The following C8orf48 variants were observed in gnomAD, a reference collection of about 807,000 sequenced individuals.
C8orf48 encodes the protein uncharacterized protein C8orf48.
For missense variants in C8orf48, 580 were observed against 363.3 expected, an observed-to-expected ratio of 1.60 and a Z score of -4.85; for synonymous variants, 188 against 138.2, an observed-to-expected ratio of 1.36 and a Z score of -2.53.
At position 13,566,920 on chromosome 8, in the gene C8orf48, A is replaced by G; in HGVS notation, c.-72A>G. On this transcript the variant is annotated 5_prime_UTR_variant, in exon 1 of 1. Coordinates refer to ENST00000297324, the MANE Select transcript of C8orf48 (RefSeq NM_001007090.3). ...ATTGAGATCCATTCCCGGAGGGGTC[A>G]GCTCCTGACGGGTTCCTGAGCCAGT... 6.9e-7 allele frequency: 1 copy of G among 1,456,018 alleles called. No individual in the cohort carries two copies. Among genetic ancestry groups the G allele is most frequent in the Non-Finnish European group, 9.1e-7 (1 of 1,102,046 alleles). The allele number at this position is 1,456,018 out of a possible 1,614,324, so 90.2% of individuals were successfully genotyped here. A position where few individuals can be genotyped will look rare whatever the true frequency, so the allele number is the denominator to read the frequency against.
At chr8:13,567,607 AG>A in the C8orf48 span, 1 of 1,551,780 alleles carries the variant, frequency 6.4e-7, no homozygotes, top group Admixed American at 2.0e-5. Flanking sequence ...TAACAGGAAA[AG>A]AGCGGAGCTG....
chr8:13,568,103 T>A lies in C8orf48; in HGVS notation c.*152T>A. On this transcript the variant is annotated 3_prime_UTR_variant, in exon 1 of 1. Coordinates refer to ENST00000297324, the MANE Select transcript of C8orf48 (RefSeq NM_001007090.3). ...TTTCCTATTATAGAAGGCACTGTTGTAGTTGGAATAGTTATAAAAACTTTT... is the reference window on the plus strand; with the variant it reads ...TTTCCTATTATAGAAGGCACTGTTGAAGTTGGAATAGTTATAAAAACTTTT... The A allele has an allele frequency of 2.5e-6, 2 of 802,214 alleles. No individual in the cohort carries two copies. The highest frequency in any genetic ancestry group is 3.8e-6 in the Non-Finnish European group (2 of 528,376). 49.7% of individuals were successfully genotyped at this position (802,214 alleles called of 1,614,324 possible). A position where few individuals can be genotyped will look rare whatever the true frequency, so the allele number is the denominator to read the frequency against.
At position 13,567,904 on chromosome 8, in the gene C8orf48, C is replaced by G. The variant is rs1343300562; in HGVS notation, c.913C>G (p.Leu305Val). ...ATTTTCTCTGCCATTTCTCAAGCGACTTACTCTAATCAAACCAGAGCTGGT... is the reference window on the plus strand; with the variant it reads ...ATTTTCTCTGCCATTTCTCAAGCGAGTTACTCTAATCAAACCAGAGCTGGT... ...LPFSLPFLKRLTLIKPELVIV... is the reference protein window; with the variant it reads ...LPFSLPFLKRVTLIKPELVIV... The change falls in exon 1 of 1, where the codon CTT becomes GTT. Residue 305 changes from leucine (L) to valine (V), a missense_variant. Transcript: ENST00000297324. The G allele has an allele frequency of 2.6e-6, 4 of 1,551,852 alleles. No individual in the cohort carries two copies. The highest frequency in any genetic ancestry group is 2.4e-5 in the East Asian group (1 of 40,926).
Position 13,567,527 on chromosome 8 carries a change from A to C in C8orf48, c.536A>C (p.Lys179Thr). 1.3e-6 allele frequency: 2 copies of C among 1,551,930 alleles called. No homozygotes were observed. The highest frequency in any genetic ancestry group is 1.7e-6 in the Non-Finnish European group (2 of 1,147,050). Reference sequence around the variant, plus strand: ...GAACTTTTGAACAGAATCTACTTTAAAAACATGAGGACAACGCCAAAACAG... The same window carrying C: ...GAACTTTTGAACAGAATCTACTTTACAAACATGAGGACAACGCCAAAACAG... ...PDELLNRIYFKNMRTTPKQEA... is the reference protein window; with the variant it reads ...PDELLNRIYFTNMRTTPKQEA... The change falls in exon 1 of 1, where the codon AAA becomes ACA. Residue 179 changes from lysine (K) to threonine (T), a missense_variant. By Grantham distance (78) the Lys-to-Thr change is moderately conservative. Transcript: ENST00000297324.
chr8:13,567,030 T>A lies in C8orf48; in HGVS notation c.39T>A (p.Ser13Arg). Residue 13 changes from serine (S) to arginine (R), a missense_variant, in exon 1 of 1, where the codon AGT becomes AGA. Ser to Arg is a moderately radical substitution (Grantham distance 110). Transcript: ENST00000297324. ...ICPELAQTDKSALANLSDETE... is the reference protein window; with the variant it reads ...ICPELAQTDKRALANLSDETE... ...CAGAATTGGCCCAAACGGACAAAAG[T>A]GCTCTTGCAAACCTTTCTGATGAGA... The A allele has an allele frequency of 1.3e-6, 2 of 1,551,268 alleles. No homozygotes were observed. Among genetic ancestry groups the A allele is most frequent in the East Asian group, 2.4e-5 (1 of 40,894 alleles).
chr8:13,567,719 G>T lies in C8orf48; in HGVS notation c.728G>T (p.Arg243Leu). The change falls in exon 1 of 1, where the codon CGT becomes CTT. Residue 243 changes from arginine (R) to leucine (L), a missense_variant. Physicochemically the swap from Arg to Leu is moderately radical, Grantham distance 102. Transcript: ENST00000297324. ...CTTCATACCAAAGACTTTCTCACCC[G>T]TATTGGAGAAGCACATCAAGACTTT... ...EHLHTKDFLT[R>L]IGEAHQDFPR... is the part of the protein sequence containing the mutation. The T allele has an allele frequency of 6.4e-7, 1 of 1,551,840 alleles. No homozygotes were observed.
At position 13,567,039 on chromosome 8, in the gene C8orf48, A is replaced by G. The variant is rs1804461824; in HGVS notation, c.48A>G (p.Ala16=). Residue 16 remains alanine (A), a synonymous_variant, in exon 1 of 1, where the codon GCA becomes GCG. Transcript: ENST00000297324. ...ELAQTDKSAL[A]NLSDETETLK... ...CCCAAACGGACAAAAGTGCTCTTGC[A>G]AACCTTTCTGATGAGACTGAGACTT... The G allele has an allele frequency of 6.4e-7, 1 of 1,551,472 alleles. No homozygotes were observed. The highest frequency in any genetic ancestry group is 8.7e-7 in the Non-Finnish European group (1 of 1,146,928).
rs1010019850 is a variant in C8orf48, at chr8:13,566,923, T to C, written c.-69T>C. The C allele has an allele frequency of 2.0e-6, 3 of 1,464,192 alleles. No individual in the cohort carries two copies. The highest frequency in any genetic ancestry group is 1.9e-4 in the Middle Eastern group (1 of 5,176). 90.7% of individuals were successfully genotyped at this position (1,464,192 alleles called of 1,614,324 possible). A position where few individuals can be genotyped will look rare whatever the true frequency, so the allele number is the denominator to read the frequency against. ...GAGATCCATTCCCGGAGGGGTCAGC[T>C]CCTGACGGGTTCCTGAGCCAGTCTT... On this transcript the variant is annotated 5_prime_UTR_variant, in exon 1 of 1. Transcript: ENST00000297324.
rs1270762226 is a variant in C8orf48 at position 13,567,266 on chromosome 8, A to G, written c.275A>G (p.Lys92Arg). 46 of 1,551,664 alleles carry G rather than the reference A, an allele frequency of 3.0e-5. No individual in the cohort carries two copies. Among genetic ancestry groups the G allele is most frequent in the Non-Finnish European group, 3.6e-5 (41 of 1,147,018 alleles). ...KLSKKWINYL[K>R]LKDSNFERHQ... ...AGTAAAAAATGGATCAACTACCTCA[A>G]GCTCAAAGACTCTAACTTTGAACGG... Residue 92 changes from lysine to arginine, a missense_variant, in exon 1 of 1, where the codon AAG (lysine) becomes AGG (arginine). Transcript: ENST00000297324.
At position 13,568,071 on chromosome 8, in the gene C8orf48, CTT is replaced by C; in HGVS notation, c.*128_*129del. On this transcript the variant is annotated 3_prime_UTR_variant, in exon 1 of 1. Coordinates refer to ENST00000297324, the MANE Select transcript of C8orf48 (RefSeq NM_001007090.3). Reference sequence around the variant, plus strand: ...CAGATTTGAGGACTAAGAACTTTCACTTTTTTTTTCCTATTATAGAAGGCACT... The same window carrying C: ...CAGATTTGAGGACTAAGAACTTTCACTTTTTTTCCTATTATAGAAGGCACT... 8.9e-7 allele frequency: 1 copy of C among 1,127,622 alleles called. No homozygotes were observed. The highest frequency in any genetic ancestry group is 1.2e-6 in the Non-Finnish European group (1 of 815,822). The allele number at this position is 1,127,622 out of a possible 1,614,324, so 69.9% of individuals were successfully genotyped here. A position where few individuals can be genotyped will look rare whatever the true frequency, so the allele number is the denominator to read the frequency against.
rs1804480413 is a variant in C8orf48 at position 13,567,333 on chromosome 8, A to G, written c.342A>G (p.Val114=). The G allele has an allele frequency of 3.9e-6, 6 of 1,551,768 alleles. No homozygotes were observed. The highest frequency in any genetic ancestry group is 3.6e-5 in the South Asian group (3 of 84,060). Reference sequence around the variant, plus strand: ...AACTTCCAACAGAAATCACTCGGGTATCAGATGAAGAATTGAATGCCCTGC... The same window carrying G: ...AACTTCCAACAGAAATCACTCGGGTGTCAGATGAAGAATTGAATGCCCTGC... ...DTKLPTEITR[V]SDEELNALQS... Residue 114 remains valine, a synonymous_variant, in exon 1 of 1, where the codon GTA becomes GTG. Coordinates refer to ENST00000297324, the MANE Select transcript of C8orf48 (RefSeq NM_001007090.3).
Position 13,568,064 on chromosome 8 carries a change from A to T in C8orf48, c.*113A>T, listed in dbSNP as rs1804518286. 8.3e-7 allele frequency: 1 copy of T among 1,204,112 alleles called. No individual in the cohort carries two copies. The highest frequency in any genetic ancestry group is 2.6e-5 in the East Asian group (1 of 38,496). 74.6% of individuals were successfully genotyped at this position (1,204,112 alleles called of 1,614,324 possible). A position where few individuals can be genotyped will look rare whatever the true frequency, so the allele number is the denominator to read the frequency against. On this transcript the variant is annotated 3_prime_UTR_variant, in exon 1 of 1. Transcript: ENST00000297324. ...TCCTTCACAGATTTGAGGACTAAGA[A>T]CTTTCACTTTTTTTTTCCTATTATA... is the stretch of plus-strand genomic sequence containing the variant.
At position 13,568,071 on chromosome 8, in the gene C8orf48, C is replaced by CA; in HGVS notation, c.*120_*121insA. 1 of 1,127,622 alleles carries CA rather than the reference C, an allele frequency of 8.9e-7. No homozygotes were observed. The allele number at this position is 1,127,622 out of a possible 1,614,324, so 69.9% of individuals were successfully genotyped here. On this transcript the variant is annotated 3_prime_UTR_variant, in exon 1 of 1. Coordinates refer to ENST00000297324, the MANE Select transcript of C8orf48 (RefSeq NM_001007090.3). ...CAGATTTGAGGACTAAGAACTTTCA[C>CA]TTTTTTTTTCCTATTATAGAAGGCA...
In C8orf48 at chr8:13,568,146, C is replaced by T. The variant is rs570614922; in HGVS notation, c.*195C>T. The T allele has an allele frequency of 1.1e-4, 68 of 618,376 alleles. 2 individuals are homozygous for T. Among genetic ancestry groups the T allele is most frequent in the African/African-American group, 1.0e-3 (56 of 53,358 alleles). 38.3% of individuals were successfully genotyped at this position (618,376 alleles called of 1,614,324 possible). On this transcript the variant is annotated 3_prime_UTR_variant, in exon 1 of 1. Coordinates refer to ENST00000297324, the MANE Select transcript of C8orf48 (RefSeq NM_001007090.3). ...AAACTTTTACAAAATTCCAAGAGAACTATGTTGGTAGTTTGGGCCAGGATG... is the reference window on the plus strand; with the variant it reads ...AAACTTTTACAAAATTCCAAGAGAATTATGTTGGTAGTTTGGGCCAGGATG...
Position 13,567,349 on chromosome 8 carries a change from A to C in C8orf48, c.358A>C (p.Asn120His). The C allele has an allele frequency of 6.4e-7, 1 of 1,551,740 alleles. No individual in the cohort carries two copies. Among genetic ancestry groups the C allele is most frequent in the Non-Finnish European group, 8.7e-7 (1 of 1,147,006 alleles). The change falls in exon 1 of 1, where the codon AAT becomes CAT. Residue 120 changes from asparagine (N) to histidine (H), a missense_variant. Coordinates refer to ENST00000297324, the MANE Select transcript of C8orf48 (RefSeq NM_001007090.3). ...EITRVSDEELNALQSYCTMKI... is the reference protein window; with the variant it reads ...EITRVSDEELHALQSYCTMKI... ...CACTCGGGTATCAGATGAAGAATTGAATGCCCTGCAGTCTTATTGCACCAT... is the reference window on the plus strand; with the variant it reads ...CACTCGGGTATCAGATGAAGAATTGCATGCCCTGCAGTCTTATTGCACCAT...
At position 13,567,590 on chromosome 8, in the gene C8orf48, C is replaced by A. The variant is rs1427290831; in HGVS notation, c.599C>A (p.Pro200His). 6.4e-7 allele frequency: 1 copy of A among 1,551,688 alleles called. No homozygotes were observed. The highest frequency in any genetic ancestry group is 8.7e-7 in the Non-Finnish European group (1 of 1,146,990). ...AAKQHISYQC[P>H]YCNRKRAELA... is the part of the protein sequence containing the mutation. ...AAGCAACACATATCTTATCAGTGTC[C>A]CTATTGTAACAGGAAAAGAGCGGAG... The change falls in exon 1 of 1, where the codon CCC (proline) becomes CAC (histidine). Residue 200 changes from proline (P) to histidine (H), a missense_variant. By Grantham distance (77) the Pro-to-His change is moderately conservative (BLOSUM62 -2). Coordinates refer to ENST00000297324, the MANE Select transcript of C8orf48 (RefSeq NM_001007090.3).
Position 13,567,774 on chromosome 8 carries a change from C to A in C8orf48, c.783C>A (p.Ile261=). 1.9e-6 allele frequency: 3 copies of A among 1,551,924 alleles called. No individual in the cohort carries two copies. Among genetic ancestry groups the A allele is most frequent in the Non-Finnish European group, 2.6e-6 (3 of 1,147,048 alleles). ...GGCTTTCAGATGACCCCAGAATAATCTGGAAAAGACTGACTGAGAAAAGTC... is the reference window on the plus strand; with the variant it reads ...GGCTTTCAGATGACCCCAGAATAATATGGAAAAGACTGACTGAGAAAAGTC... ...FPRLSDDPRI[I]WKRLTEKSHI... is the part of the protein sequence containing the mutation. The change falls in exon 1 of 1, where the codon ATC becomes ATA. Residue 261 remains isoleucine (I), a synonymous_variant. Coordinates refer to ENST00000297324, the MANE Select transcript of C8orf48 (RefSeq NM_001007090.3).
In C8orf48 at chr8:13,567,127, T is replaced by C. The variant is rs1804466498; in HGVS notation, c.136T>C (p.Ser46Pro). Reference protein sequence around the residue: ...SSFSSSGGRQSSPLTSGSKLE... With the variant: ...SSFSSSGGRQPSPLTSGSKLE... ...ATTCAGCTCCTCTGGAGGACGGCAG[T>C]CCTCGCCCCTGACCTCTGGGAGCAA... is the stretch of plus-strand genomic sequence containing the variant. Residue 46 changes from serine to proline, a missense_variant, in exon 1 of 1, where the codon TCC becomes CCC. Ser to Pro is a moderately conservative substitution (Grantham distance 74). Coordinates refer to ENST00000297324, the MANE Select transcript of C8orf48 (RefSeq NM_001007090.3). 1.3e-6 allele frequency: 2 copies of C among 1,551,738 alleles called. No individual in the cohort carries two copies. The highest frequency in any genetic ancestry group is 1.7e-6 in the Non-Finnish European group (2 of 1,146,998).
rs1266596477 is a variant in C8orf48, at chr8:13,568,040, C to G, written c.*89C>G. On this transcript the variant is annotated 3_prime_UTR_variant, in exon 1 of 1. Transcript: ENST00000297324. The stretch of plus-strand genomic sequence containing the variant: ...ACTAACTTAAGACTTTACTATGCTT[C>G]CTTCACAGATTTGAGGACTAAGAAC... 1.2e-5 allele frequency: 16 copies of G among 1,344,062 alleles called. No individual in the cohort carries two copies. The highest frequency in any genetic ancestry group is 1.6e-5 in the Non-Finnish European group (16 of 1,005,832). 83.3% of individuals were successfully genotyped at this position (1,344,062 alleles called of 1,614,324 possible). A position where few individuals can be genotyped will look rare whatever the true frequency, so the allele number is the denominator to read the frequency against.
Sources: allele counts gnomAD v4.1 joint callset, GRCh38; gene constraint gnomAD v4.1.1; transcripts MANE v1.5; gene names NCBI Gene and HGNC (gene_info 2026-07-23, HGNC 2026-07-21).